The following DISP1 variants were observed in gnomAD, a reference collection of about 807,000 sequenced individuals.
DISP1 encodes protein dispatched homolog 1.
A neutral mutation model predicts 37.3 loss-of-function variants in DISP1; 30 were observed. That is an observed-to-expected ratio of 0.80 (90% CI 0.60 to 1.09). The LOEUF is 1.09. Ranked by LOEUF, DISP1 falls within the 50% of genes least tolerant of loss-of-function variation. The probability of loss-of-function intolerance (pLI) is 0.00; values close to 1 mark genes in which losing one functional copy is unlikely to be tolerated. For missense variants in DISP1, 1,598 were observed against 1,879.5 expected (o/e 0.85, Z 2.77); for synonymous variants, 634 against 690.2 (o/e 0.92, Z 1.28).
chr1:222,981,886 G>T (rs1289923823), intron 3 of DISP1, among the ~76,000 whole-genome samples: 1 of 152,160 alleles, frequency 6.6e-6, no homozygotes, highest in African/African-American at 2.4e-5. Flanking sequence ...ATAAATTAGT[G>T]TAGTGGTTCC....
chr1:222,874,460 C>T (rs968242222), intron 1 of DISP1, among the ~76,000 whole-genome samples: 12 of 152,020 alleles, frequency 7.9e-5, no homozygotes, highest in African/African-American at 2.9e-4. Flanking sequence ...TCTTTTTATT[C>T]TTTATTCTTT....
At chr1:222,834,234 GAA>G (rs924228919) in intron 1 of DISP1, among the ~76,000 whole-genome samples, 1 of 146,696 alleles carries the variant, frequency 6.8e-6, no homozygotes, top group East Asian at 2.0e-4. Context: ...GTCTTCAAAA[GAA>G]AAAAAAAAGA....
chr1:222,880,103 G>C (rs1029522171), intron 1 of DISP1, among the ~76,000 whole-genome samples: 1 of 152,046 alleles, frequency 6.6e-6, no homozygotes, highest in Non-Finnish European at 1.5e-5. Context: ...TTTAATCGTA[G>C]GGGGAATGTT....
At chr1:222,923,792 C>T (rs1008115548) in intron 1 of DISP1, among the ~76,000 whole-genome samples, 6 of 151,836 alleles carry the variant, frequency 4.0e-5, no homozygotes, top group African/African-American at 9.7e-5. Context: ...TGACTTTTTT[C>T]GGTAACATTT....
intron 2 of DISP1, among the ~76,000 whole-genome samples, chr1:222,933,917 A>G (rs891670122): frequency 1.3e-5 from 2 of 152,228 alleles, no homozygotes; most frequent in South Asian, 2.1e-4. Flanking sequence ...ATTCTTAAAT[A>G]GTCAATATAC....
In DISP1 at chr1:223,003,872, C is replaced by T. The variant is rs1234085169; in HGVS notation, c.2475C>T (p.Ala825=). 1 of 1,614,058 alleles carries T rather than the reference C, an allele frequency of 6.2e-7. No homozygotes were observed. The highest frequency in any genetic ancestry group is 8.5e-7 in the Non-Finnish European group (1 of 1,180,046). The change falls in exon 9 of 9, where the codon GCC becomes GCT. Residue 825 remains alanine, a synonymous_variant. Coordinates refer to ENST00000675850, the MANE Select transcript of DISP1 (RefSeq NM_001377229.1). The surrounding 1 kb of genome is among the most constrained non-coding windows in gnomAD (Gnocchi z 4.3). ...SFNIASPASQ[A]WILHFCQKLR... ...ACATCGCCAGCCCAGCTTCCCAGGC[C>T]TGGATTTTGCACTTCTGTCAAAAAC...
chr1:222,857,086 T>G (rs1668596709), intron 1 of DISP1, among the ~76,000 whole-genome samples: 1 of 152,166 alleles, frequency 6.6e-6, no homozygotes. Context: ...CCGACCAGAA[T>G]GGATTCATTT....
At chr1:222,840,434 G>A (rs1667522158) in intron 1 of DISP1, among the ~76,000 whole-genome samples, 1 of 151,716 alleles carries the variant, frequency 6.6e-6, no homozygotes, top group African/African-American at 2.4e-5. Flanking sequence ...TAGAGATGGA[G>A]TTTCAGCATG....
rs1004623429 is a variant in DISP1 at position 222,908,395 on chromosome 1, A to G, written c.-158-20035A>G. ...AGGGTTGTGTGAGGAACAGATAATT[A>G]AATCAAAGGCAGTTGGATGATTTTT... On this transcript the variant is annotated intron_variant, in intron 1 of 8. Coordinates refer to ENST00000675850, the MANE Select transcript of DISP1 (RefSeq NM_001377229.1). Among the ~76,000 whole-genome samples, 40 of 152,114 alleles carry G rather than the reference A, an allele frequency of 2.6e-4. 1 individual carries two copies. Among genetic ancestry groups the G allele is most frequent in the Non-Finnish European group, 4.4e-5 (3 of 68,010 alleles).
intron 2 of DISP1, among the ~76,000 whole-genome samples, chr1:222,938,230 C>G (rs1164270129): frequency 6.6e-6 from 1 of 152,092 alleles, no homozygotes; most frequent in Non-Finnish European, 1.5e-5. Flanking sequence ...CGATTTTAAA[C>G]TTTCACTATA....
chr1:222,826,041 G>T (rs1457991655), intron 1 of DISP1, among the ~76,000 whole-genome samples: 1 of 152,084 alleles, frequency 6.6e-6, no homozygotes, highest in African/African-American at 2.4e-5. Context: ...TTCTGGGACT[G>T]TAGGTGTGTA....
intron 3 of DISP1, among the ~76,000 whole-genome samples, chr1:222,979,024 G>A (rs1424769617): frequency 6.6e-6 from 1 of 152,032 alleles, no homozygotes; most frequent in African/African-American, 2.4e-5. Context: ...GGTTCCATAT[G>A]AACTTTAAAG....
rs139359661 is a variant in DISP1 at position 222,938,108 on chromosome 1, A to G, written c.-17-4699A>G. Among the ~76,000 whole-genome samples the G allele has an allele frequency of 3.8e-3, 578 of 152,136 alleles. 1 individual carries two copies. The highest frequency in any genetic ancestry group is 5.9e-3 in the Non-Finnish European group (403 of 67,964). ...GGCTTGTCTCAAACTCCTGAGCCCT[A>G]GCAGTCTTCCTGCCTCAGCCTCCCA... On this transcript the variant is annotated intron_variant, in intron 2 of 8. Transcript: ENST00000675850.
chr1:222,873,460 G>A (rs1433317266), intron 1 of DISP1, among the ~76,000 whole-genome samples: 1 of 152,164 alleles, frequency 6.6e-6, no homozygotes, highest in Non-Finnish European at 1.5e-5. Context: ...GGGTGCTCCT[G>A]TATTGGGTGC....
chr1:222,955,585 T>C (rs987318155), intron 3 of DISP1, among the ~76,000 whole-genome samples: 1 of 152,234 alleles, frequency 6.6e-6, no homozygotes, highest in Non-Finnish European at 1.5e-5. Flanking sequence ...CTTCTGTTTT[T>C]CACTTTCAGT....
intron 1 of DISP1, among the ~76,000 whole-genome samples, chr1:222,918,685 G>A (rs1672632047): frequency 6.6e-6 from 1 of 152,232 alleles, no homozygotes; most frequent in African/African-American, 2.4e-5. Context: ...GTCTCTCATG[G>A]TGATAGATCT....
intron 1 of DISP1, among the ~76,000 whole-genome samples, chr1:222,847,762 A>G (rs778629694): frequency 1.3e-5 from 2 of 152,190 alleles, no homozygotes; most frequent in Non-Finnish European, 2.9e-5. Context: ...GATAAAAGGG[A>G]AGGGAGAAGG....
intron 1 of DISP1, among the ~76,000 whole-genome samples, chr1:222,855,759 T>C (rs1668513660): frequency 6.6e-6 from 1 of 152,186 alleles, no homozygotes; most frequent in Admixed American, 6.5e-5. Context: ...TTTGAAGATA[T>C]TTTGACTAAT....
chr1:222,960,134 A>T (rs1345276860), intron 3 of DISP1, among the ~76,000 whole-genome samples: 1 of 152,232 alleles, frequency 6.6e-6, no homozygotes, highest in East Asian at 1.9e-4. Context: ...ACCTATAGAC[A>T]TCTACAGAAC....
Sources: gnomAD v4.1 joint callset for allele counts (sites outside exome capture counted in the v4.1 genomes callset) on GRCh38, gnomAD v4.1.1 for gene constraint, Gnocchi (gnomAD v3.1) non-coding constraint, MANE v1.5 for transcripts, NCBI Gene and HGNC (gene_info 2026-07-23, HGNC 2026-07-21) for gene names.